Variants in PACRG observed in about 807,000 individuals in gnomAD.
PACRG encodes parkin coregulated, also known as parkin coregulated gene protein.
Under a neutral mutation model 29.7 loss-of-function variants are expected in PACRG, and 29 were observed. The observed-to-expected ratio is 0.98, with a 90% CI of 0.73 to 1.33. The LOEUF (loss-of-function observed/expected upper bound fraction) is 1.33. PACRG is among the 40% of genes most tolerant of loss of function. The pLI is 0.00. For missense variants in PACRG, 279 were observed against 316.2 expected (o/e 0.88, Z 0.89); for synonymous variants, 116 against 118.7 (o/e 0.98, Z 0.15).
intron 4 of PACRG, among the ~76,000 whole-genome samples, chr6:163,154,937 A>G (rs1301888553): frequency 1.3e-5 from 2 of 151,840 alleles, no homozygotes; most frequent in Non-Finnish European, 2.9e-5. Flanking sequence ...TTACTACCTT[A>G]GAGGAGATGA....
chr6:162,900,403 C>A (rs1291720145), intron 2 of PACRG, among the ~76,000 whole-genome samples: 1 of 152,156 alleles, frequency 6.6e-6, no homozygotes, highest in Non-Finnish European at 1.5e-5. Context: ...GACGTGATAG[C>A]GTGCAAGACT....
At chr6:163,072,322 T>C (rs1348371652) in intron 3 of PACRG, among the ~76,000 whole-genome samples, 1 of 151,650 alleles carries the variant, frequency 6.6e-6, no homozygotes, top group Non-Finnish European at 1.5e-5. Flanking sequence ...ATACAGCATG[T>C]CAACATCATC....
rs1047822617 is a variant in PACRG at position 163,093,415 on chromosome 6, A to G, written c.613+4007A>G. Among the ~76,000 whole-genome samples, 4 of 152,216 alleles carry G rather than the reference A, an allele frequency of 2.6e-5. No individual in the cohort carries two copies. The South Asian group carries it at 8.3e-4, about 31-fold the overall frequency. Reference sequence around the variant, plus strand: ...AATTTATTCTTTCCTATGTTCTTTCACAAATGTTATTAAAGGTTACAGAAA... The same window carrying G: ...AATTTATTCTTTCCTATGTTCTTTCGCAAATGTTATTAAAGGTTACAGAAA... On this transcript the variant is annotated intron_variant, in intron 4 of 4. Transcript: ENST00000366888.
intron 1 of PACRG, among the ~76,000 whole-genome samples, chr6:162,813,547 C>T (rs1787064372): frequency 6.6e-6 from 1 of 152,090 alleles, no homozygotes; most frequent in Admixed American, 6.5e-5. Context: ...CTCACCTATT[C>T]TAATGTTACT....
intron 4 of PACRG, among the ~76,000 whole-genome samples, chr6:163,158,453 T>C (rs1043280698): frequency 2.6e-5 from 4 of 152,056 alleles, no homozygotes; most frequent in Non-Finnish European, 5.9e-5. Context: ...GATCAAAGCT[T>C]CCATTTTTAT....
At chr6:162,962,496 T>C (rs9458686) in intron 2 of PACRG, among the ~76,000 whole-genome samples, 23,628 of 151,960 alleles carry the variant, frequency 0.16, 3,225 homozygotes, top group African/African-American at 0.36. Flanking sequence ...GGAAGTGGTG[T>C]GTTTTGGGGT....
chr6:163,096,760 C>G (rs1405262956), intron 4 of PACRG, among the ~76,000 whole-genome samples: 1 of 152,146 alleles, frequency 6.6e-6, no homozygotes. Flanking sequence ...CTCCTACCTG[C>G]AGCACAGGGT....
At chr6:163,008,037 T>C (rs1019446315) in intron 2 of PACRG, among the ~76,000 whole-genome samples, 5 of 152,308 alleles carry the variant, frequency 3.3e-5, no homozygotes, top group Admixed American at 3.3e-4. Flanking sequence ...CTTATTGTTG[T>C]TGTACTGGAT....
rs528688350 is a variant in PACRG, at chr6:163,023,043, C to T, written c.292-39107C>T. Among the ~76,000 whole-genome samples, 4 of 152,266 alleles carry T rather than the reference C, an allele frequency of 2.6e-5. No individual in the cohort carries two copies. In the South Asian group the frequency reaches 8.3e-4, roughly 32 times the overall value. ...TGTTAACATGCCTATTTAGCTCTCC[C>T]AGCCATGTTCCTTTTCTTGGGCAAT... On this transcript the variant is annotated intron_variant, in intron 2 of 4. Coordinates refer to ENST00000366888, the MANE Select transcript of PACRG (RefSeq NM_001080379.2).
At chr6:163,034,158 C>T (rs766756287) in intron 2 of PACRG, among the ~76,000 whole-genome samples, 2 of 152,158 alleles carry the variant, frequency 1.3e-5, no homozygotes, top group Non-Finnish European at 2.9e-5. Context: ...CCACCCATTG[C>T]AGCAACATTG....
chr6:163,084,166 C>A (rs1005770673), intron 3 of PACRG, among the ~76,000 whole-genome samples: 1 of 152,106 alleles, frequency 6.6e-6, no homozygotes, highest in Non-Finnish European at 1.5e-5. Flanking sequence ...CATGTTAGAA[C>A]CTTTTCAAAA....
intron 1 of PACRG, among the ~76,000 whole-genome samples, chr6:162,776,964 A>T (rs1442466698): frequency 6.6e-6 from 1 of 152,164 alleles, no homozygotes; most frequent in East Asian, 1.9e-4. Context: ...ATAAAAGACT[A>T]CACATTGGGT....
At position 163,307,793 on chromosome 6, in the gene PACRG, A is replaced by T. The variant is rs544526728; in HGVS notation, c.614-7034A>T. Among the ~76,000 whole-genome samples, 6 of 152,356 alleles carry T rather than the reference A, an allele frequency of 3.9e-5. 1 individual carries two copies. The highest frequency in any genetic ancestry group is 3.4e-3 in the Middle Eastern group (1 of 294). On this transcript the variant is annotated intron_variant, in intron 4 of 4. Coordinates refer to ENST00000366888, the MANE Select transcript of PACRG (RefSeq NM_001080379.2). ...TAGGATTCTAAAAGCAGATAACTTCACGGCTTCTCCCCAAAAGGCTCTTCT... is the reference window on the plus strand; with the variant it reads ...TAGGATTCTAAAAGCAGATAACTTCTCGGCTTCTCCCCAAAAGGCTCTTCT...
At chr6:163,097,883 A>G (rs1814745208) in intron 4 of PACRG, among the ~76,000 whole-genome samples, 2 of 152,196 alleles carry the variant, frequency 1.3e-5, no homozygotes, top group Non-Finnish European at 2.9e-5. Flanking sequence ...AAATCTCTTC[A>G]GGACTGGGAG....
At chr6:163,063,785 G>GA (rs1421896288) in intron 3 of PACRG, among the ~76,000 whole-genome samples, 1 of 152,128 alleles carries the variant, frequency 6.6e-6, no homozygotes, top group Non-Finnish European at 1.5e-5. Flanking sequence ...AAGAGACTCT[G>GA]AAAAGGGGCT....
intron 2 of PACRG, among the ~76,000 whole-genome samples, chr6:162,849,371 T>C (rs1156516614): frequency 6.6e-6 from 1 of 152,210 alleles, no homozygotes; most frequent in African/African-American, 2.4e-5. Flanking sequence ...TCTGCAGCTA[T>C]AGTCAGCTCC....
intron 4 of PACRG, among the ~76,000 whole-genome samples, chr6:163,222,435 C>T (rs1425937257): frequency 2.0e-5 from 3 of 152,142 alleles, no homozygotes; most frequent in Admixed American, 6.6e-5. Flanking sequence ...CAAAAATTAG[C>T]CAGGTGTGGT....
intron 4 of PACRG, among the ~76,000 whole-genome samples, chr6:163,278,336 A>C (rs974504392): frequency 6.6e-6 from 1 of 152,150 alleles, no homozygotes; most frequent in Non-Finnish European, 1.5e-5. Flanking sequence ...TTTTTAGTTT[A>C]ATTAAGTCCC....
intron 4 of PACRG, among the ~76,000 whole-genome samples, chr6:163,130,739 A>G (rs946110050): frequency 6.6e-6 from 1 of 152,172 alleles, no homozygotes; most frequent in Non-Finnish European, 1.5e-5. Context: ...CTCAGCAAGC[A>G]GGTCCATGGA....
Sources: allele counts gnomAD v4.1 joint callset (sites outside exome capture counted in the v4.1 genomes callset), GRCh38; gene constraint gnomAD v4.1.1; transcripts MANE v1.5; gene names NCBI Gene and HGNC (gene_info 2026-07-23, HGNC 2026-07-21).